The following DNHD1 variants were observed in gnomAD, a reference collection of about 807,000 sequenced individuals.
DNHD1 encodes the protein dynein heavy chain domain-containing protein 1.
DNHD1 carries 383 observed loss-of-function variants against 458.1 expected under a neutral mutation model. That is an observed-to-expected ratio of 0.84 (90% CI 0.77 to 0.91). The LOEUF is 0.91. Among genes scored for constraint, DNHD1 ranks in the 40% least tolerant of loss-of-function variants. DNHD1 has a pLI of 0.00. For missense variants in DNHD1, 5,336 were observed against 5,866.1 expected, an observed-to-expected ratio of 0.91 and a Z score of 2.95; for synonymous variants, 2,203 against 2,376.9, an observed-to-expected ratio of 0.93 and a Z score of 2.13.
At position 6,555,922 on chromosome 11, in the gene DNHD1, A is replaced by G. The variant is rs1055526137; in HGVS notation, c.7388-761A>G. Among the ~76,000 whole-genome samples the G allele has an allele frequency of 3.3e-5, 5 of 152,174 alleles. No homozygotes were observed. The East Asian group carries it at 5.8e-4, about 18-fold the overall frequency. ...TTAGTCAAAATTCACTGAACTGTAC[A>G]CTTAAAATGTATACATTTTGTTGTA... On this transcript the variant is annotated intron_variant, in intron 24 of 42. Coordinates refer to ENST00000254579, the MANE Select transcript of DNHD1 (RefSeq NM_144666.3).
intron 8 of DNHD1, 40 bp downstream of exon 8, chr11:6,519,894 C>G: frequency 6.2e-7 from 1 of 1,612,842 alleles, no homozygotes. Flanking sequence ...GGCAGGCAGT[C>G]CAGGGCCAGA....
At chr11:6,559,591 T>C (rs1853543967) in intron 28 of DNHD1, among the ~76,000 whole-genome samples, 1 of 152,124 alleles carries the variant, frequency 6.6e-6, no homozygotes, top group Non-Finnish European at 1.5e-5. Context: ...CCCATGGGGG[T>C]TGGGGCAGGC....
intron 32 of DNHD1, 31 bp downstream of exon 32, chr11:6,564,835 G>A (rs1229735634): frequency 9.6e-6 from 14 of 1,457,222 alleles, no homozygotes; most frequent in African/African-American, 2.8e-5. Context: ...CAATGCTTCC[G>A]GAGTATCTGA....
Position 6,548,747 on chromosome 11 carries a change from C to G in DNHD1, c.7201C>G (p.Leu2401Val). 8.4e-6 allele frequency: 13 copies of G among 1,551,652 alleles called. No individual in the cohort carries two copies. Among genetic ancestry groups the G allele is most frequent in the Non-Finnish European group, 1.1e-5 (13 of 1,146,982 alleles). ...ATGKSAFVEV[L>V]VEPHHPYIYS... The stretch of plus-strand genomic sequence containing the variant: ...AGGGAAGTCAGCCTTTGTGGAGGTG[C>G]TGGTAGAGCCACATCACCCTTACAT... Residue 2401 changes from leucine (L) to valine (V), a missense_variant, in exon 24 of 43, where the codon CTG becomes GTG. Transcript: ENST00000254579. The surrounding 1 kb of genome is among the most constrained non-coding windows in gnomAD (Gnocchi z 4.4).
rs1333518307 is a variant in DNHD1, at chr11:6,546,328, G to T, written c.5389G>T (p.Val1797Leu). The T allele has an allele frequency of 2.6e-6, 4 of 1,552,374 alleles. No individual in the cohort carries two copies. In the East Asian group the frequency reaches 7.3e-5, roughly 28 times the overall value. Residue 1797 changes from valine (V) to leucine (L), a missense_variant, in exon 21 of 43, where the codon GTG (valine) becomes TTG (leucine). Val to Leu is a conservative substitution (Grantham distance 32). This residue lies in a region of DNHD1 where 3,932 missense variants were observed against 4,365.6 expected (regional missense o/e 0.90). Transcript: ENST00000254579. ...SSFFEKHHVS[V>L]RLGYGCLLVL... ...CTTCTTTGAAAAACATCACGTGTCT[G>T]TGCGCCTTGGCTATGGCTGTCTCCT...
At chr11:6,519,880 A>AG in intron 8 of DNHD1, 26 bp downstream of exon 8, 2 of 1,612,876 alleles carry the variant, frequency 1.2e-6, no homozygotes, top group South Asian at 2.2e-5. Context: ...GCATGTGTGG[A>AG]GGTGGCAGGC....
intron 14 of DNHD1, among the ~76,000 whole-genome samples, chr11:6,537,783 T>C (rs1165665738): frequency 1.3e-5 from 2 of 152,002 alleles, no homozygotes; most frequent in Non-Finnish European, 2.9e-5. Flanking sequence ...ATACAAAAAT[T>C]AGCCTGACAT....
At position 6,538,488 on chromosome 11, in the gene DNHD1, G is replaced by A. The variant is rs1486996580; in HGVS notation, c.3104G>A (p.Trp1035Ter). The part of the protein sequence containing the change: ...YRVISENISE[W>*]KCMAFAKFSP... ...GTCATCTCCGAAAACATCAGCGAGTGGAAGTGCATGGCTTTTGCCAAGGTG... is the reference window on the plus strand; with the variant it reads ...GTCATCTCCGAAAACATCAGCGAGTAGAAGTGCATGGCTTTTGCCAAGGTG... Residue 1035 changes from tryptophan to a stop codon, truncating the protein, a stop_gained, in exon 15 of 43, where the codon TGG (tryptophan) becomes TAG (stop). Coordinates refer to ENST00000254579, the MANE Select transcript of DNHD1 (RefSeq NM_144666.3). LOFTEE classifies it high-confidence loss of function. 3.2e-6 allele frequency: 5 copies of A among 1,551,656 alleles called. No individual in the cohort carries two copies. Among genetic ancestry groups the A allele is most frequent in the African/African-American group, 1.4e-5 (1 of 73,062 alleles).
intron 3 of DNHD1, among the ~76,000 whole-genome samples, chr11:6,501,432 A>G (rs535129327): frequency 1.3e-5 from 2 of 152,088 alleles, no homozygotes; most frequent in Non-Finnish European, 2.9e-5. Context: ...GATTAAAAAT[A>G]TATCATAGAG....
At chr11:6,518,667 G>A (rs1852541407) in intron 7 of DNHD1, among the ~76,000 whole-genome samples, 1 of 152,136 alleles carries the variant, frequency 6.6e-6, no homozygotes, top group South Asian at 2.1e-4. Context: ...ACAAAATGAT[G>A]GTGCATTGGA....
chr11:6,544,427 C>T (rs1189578087), intron 19 of DNHD1, 147 bp from the exon 20 acceptor site: 1 of 1,022,942 alleles, frequency 9.8e-7, no homozygotes, highest in African/African-American at 1.6e-5. Flanking sequence ...AGTTTTTTCT[C>T]CCTCAAGCAA....
chr11:6,547,047 C>T lies in DNHD1; in HGVS notation c.6108C>T (p.Leu2036=). 6.4e-7 allele frequency: 1 copy of T among 1,551,720 alleles called. No homozygotes were observed. The change falls in exon 21 of 43, where the codon CTC becomes CTT. Residue 2036 remains leucine, a synonymous_variant. Transcript: ENST00000254579. ...VEITHLYPSG[L]SPQEFLGWLE... ...TTACCCACCTGTACCCCAGTGGCCTCAGCCCCCAGGAGTTCCTGGGATGGC... is the reference window on the plus strand; with the variant it reads ...TTACCCACCTGTACCCCAGTGGCCTTAGCCCCCAGGAGTTCCTGGGATGGC...
In DNHD1 at chr11:6,557,578, G is replaced by T. The variant is rs1377017635; in HGVS notation, c.8283G>T (p.Lys2761Asn). 6.4e-7 allele frequency: 1 copy of T among 1,551,786 alleles called. No individual in the cohort carries two copies. Among genetic ancestry groups the T allele is most frequent in the Non-Finnish European group, 8.7e-7 (1 of 1,147,010 alleles). Residue 2761 changes from lysine to asparagine, a missense_variant, in exon 25 of 43, where the codon AAG becomes AAT. Lys to Asn is a moderately conservative substitution (Grantham distance 94). This residue lies in a region of DNHD1 where 3,932 missense variants were observed against 4,365.6 expected (regional missense o/e 0.90). Coordinates refer to ENST00000254579, the MANE Select transcript of DNHD1 (RefSeq NM_144666.3). Reference sequence around the variant, plus strand: ...TAGGACCAGTAAGCAGGGGGATGAAGGAAAGCATAAGTCACAAGATAAGGC... The same window carrying T: ...TAGGACCAGTAAGCAGGGGGATGAATGAAAGCATAAGTCACAAGATAAGGC... ...PSIGPVSRGMKESISHKIRQE... is the reference protein window; with the variant it reads ...PSIGPVSRGMNESISHKIRQE...
At chr11:6,542,766 T>G (rs1157097894) in intron 18 of DNHD1, among the ~76,000 whole-genome samples, 1 of 152,220 alleles carries the variant, frequency 6.6e-6, no homozygotes, top group Non-Finnish European at 1.5e-5. Context: ...TAATCTCCCC[T>G]TTAGATTCTT....
At position 6,559,280 on chromosome 11, in the gene DNHD1, C is replaced by T; in HGVS notation, c.9516C>T (p.Gly3172=). ...FDLEQQLKDS[G]KSLSMFQQQL... is the part of the protein sequence containing the mutation. ...TGGAACAGCAGCTGAAAGACTCCGG[C>T]AAGGTAAGGAGATGATTTTGAGGCT... Residue 3172 remains glycine (G), a synonymous_variant, in exon 28 of 43, where the codon GGC becomes GGT. Coordinates refer to ENST00000254579, the MANE Select transcript of DNHD1 (RefSeq NM_144666.3). 1 of 1,551,300 alleles carries T rather than the reference C, an allele frequency of 6.4e-7. No individual in the cohort carries two copies. Among genetic ancestry groups the T allele is most frequent in the Non-Finnish European group, 8.7e-7 (1 of 1,146,714 alleles).
chr11:6,499,408 T>G (rs1459624266), intron 3 of DNHD1, among the ~76,000 whole-genome samples: 1 of 152,144 alleles, frequency 6.6e-6, no homozygotes, highest in Non-Finnish European at 1.5e-5. Flanking sequence ...CGAGTGTCCT[T>G]CCCACATGTC....
chr11:6,503,343 A>G (rs1852174585), intron 4 of DNHD1: 1 of 155,916 alleles, frequency 6.4e-6, no homozygotes, highest in South Asian at 2.0e-4. Context: ...AGACTGAATC[A>G]AAATCTGCAT....
intron 10 of DNHD1, among the ~76,000 whole-genome samples, chr11:6,522,091 A>G (rs1852615484): frequency 1.3e-5 from 2 of 152,140 alleles, no homozygotes; most frequent in African/African-American, 4.8e-5. Context: ...CTAATGATCC[A>G]TGATATTGAG....
intron 3 of DNHD1, among the ~76,000 whole-genome samples, chr11:6,502,294 C>T (rs1257341315): frequency 1.3e-5 from 2 of 151,980 alleles, no homozygotes; most frequent in Admixed American, 6.6e-5. Context: ...GGAGATCATT[C>T]AGGGTTGGAA....
Sources: allele counts gnomAD v4.1 joint callset (sites outside exome capture counted in the v4.1 genomes callset), GRCh38; gene constraint gnomAD v4.1.1; regional missense constraint gnomAD v4.1.1; non-coding constraint Gnocchi (gnomAD v3.1); transcripts MANE v1.5; gene names NCBI Gene and HGNC (gene_info 2026-07-23, HGNC 2026-07-21).